Variants in FBXW11 observed in about 807,000 individuals in gnomAD.
FBXW11 encodes the protein F-box and WD repeat domain containing 11.
A neutral mutation model predicts 77.6 loss-of-function variants in FBXW11; 19 were observed. The ratio of observed to expected loss-of-function variants is 0.24; its 90% confidence interval spans 0.17 to 0.36. FBXW11 has a LOEUF of 0.36. Ranked by LOEUF, FBXW11 falls within the 10% of genes least tolerant of loss-of-function variation. The pLI is 1.00. For synonymous variants in FBXW11, 235 were observed against 249.4 expected (o/e 0.94, Z 0.54); for missense variants, 334 against 704.2 (o/e 0.47, Z 5.95).
chr5:171,984,608 T>C (rs750075543), intron 1 of FBXW11, among the ~76,000 whole-genome samples: 1 of 152,202 alleles, frequency 6.6e-6, no homozygotes, highest in South Asian at 2.1e-4. Context: ...TAATATGGTA[T>C]AATTTTAAGT....
intron 4 of FBXW11, among the ~76,000 whole-genome samples, chr5:171,900,395 A>C (rs1263217713): frequency 6.6e-6 from 1 of 152,204 alleles, no homozygotes; most frequent in Non-Finnish European, 1.5e-5. Context: ...TTTCTTTTAT[A>C]TAACTCTCAC....
chr5:172,002,414 A>ATGTGTGTGTGTGTGTGTG (rs55720474), intron 1 of FBXW11, among the ~76,000 whole-genome samples: 21 of 143,978 alleles, frequency 1.5e-4, no homozygotes, highest in African/African-American at 5.1e-4. Flanking sequence ...TTTTATATAA[A>ATGTGTGTGTGTGTGTGTG]TGTGTGTGTG....
intron 2 of FBXW11, among the ~76,000 whole-genome samples, chr5:171,939,975 CA>C (rs945138810): frequency 6.6e-6 from 1 of 151,294 alleles, no homozygotes; most frequent in Non-Finnish European, 1.5e-5. Flanking sequence ...CTTATAATTC[CA>C]AAAAAAAGTA....
chr5:171,967,992 C>T (rs1035655047), intron 1 of FBXW11, among the ~76,000 whole-genome samples: 1 of 151,108 alleles, frequency 6.6e-6, no homozygotes, highest in Admixed American at 6.6e-5. Flanking sequence ...TCAGATGAGG[C>T]CATACAATTG....
Position 171,900,024 on chromosome 5 carries a change from T to C in FBXW11, c.513A>G (p.Val171=), listed in dbSNP as rs567203605. Residue 171 remains valine, a synonymous_variant, in exon 5 of 14, where the codon GTA becomes GTG. Transcript: ENST00000517395. ...AGATCACTCGCTGCCATTCTTTACA[T>C]ACCAGCTCTGCTGCACACAGAGACC... ...DARSLCAAEL[V]CKEWQRVISE... The C allele has an allele frequency of 3.7e-6, 6 of 1,613,858 alleles. No homozygotes were observed. The South Asian group carries it at 4.4e-5, about 12-fold the overall frequency.
At chr5:171,923,355 T>G (rs1310840468) in intron 2 of FBXW11, among the ~76,000 whole-genome samples, 1 of 152,222 alleles carries the variant, frequency 6.6e-6, no homozygotes, top group Non-Finnish European at 1.5e-5. Flanking sequence ...AACTTTTCAT[T>G]CTCTTAATGG....
chr5:171,905,862 G>A (rs578231404), intron 4 of FBXW11, among the ~76,000 whole-genome samples: 43 of 152,152 alleles, frequency 2.8e-4, no homozygotes, highest in African/African-American at 1.0e-3. Context: ...ATCATGCTGA[G>A]ACTCCCCCAT....
At chr5:171,969,719 T>C (rs1464842470) in intron 1 of FBXW11, among the ~76,000 whole-genome samples, 2 of 152,176 alleles carry the variant, frequency 1.3e-5, no homozygotes, top group African/African-American at 2.4e-5. Flanking sequence ...TTTTTGTTTT[T>C]CAGACAAAAT....
At chr5:171,967,879 TATATACACACACACACAC>T (rs1224917123) in intron 1 of FBXW11, among the ~76,000 whole-genome samples, 2 of 62,678 alleles carry the variant, frequency 3.2e-5, no homozygotes, top group African/African-American at 1.1e-4. Context: ...TATATATATA[TATATACACACACACACAC>T]ACACACACAC....
intron 2 of FBXW11, among the ~76,000 whole-genome samples, chr5:171,947,540 T>C (rs1415516728): frequency 6.7e-6 from 1 of 149,594 alleles, no homozygotes; most frequent in Admixed American, 6.6e-5. Context: ...ATCTCAATTA[T>C]TAAAAAAAAA....
At chr5:171,997,917 A>C (rs542029359) in intron 1 of FBXW11, among the ~76,000 whole-genome samples, 1 of 152,362 alleles carries the variant, frequency 6.6e-6, no homozygotes, top group South Asian at 2.1e-4. Flanking sequence ...CTCCTGCAGT[A>C]ATTATAGTAA....
intron 1 of FBXW11, among the ~76,000 whole-genome samples, chr5:171,999,905 C>A (rs1171556710): frequency 1.3e-5 from 2 of 152,052 alleles, no homozygotes. Context: ...TCATTGTTAA[C>A]TCAACCTGAG....
intron 2 of FBXW11, among the ~76,000 whole-genome samples, chr5:171,950,182 C>T (rs1763230857): frequency 6.6e-6 from 1 of 151,918 alleles, no homozygotes; most frequent in South Asian, 2.1e-4. Flanking sequence ...TAACTTTGAA[C>T]AAGTATGTTA....
chr5:171,871,590 G>C (rs543964786), intron 10 of FBXW11, among the ~76,000 whole-genome samples: 33 of 152,328 alleles, frequency 2.2e-4, no homozygotes, highest in Admixed American at 3.9e-4. Flanking sequence ...TATGATTTAT[G>C]TAACAATTCT....
intron 13 of FBXW11, among the ~76,000 whole-genome samples, chr5:171,866,869 C>G (rs1188897267): frequency 6.6e-6 from 1 of 152,122 alleles, no homozygotes; most frequent in African/African-American, 2.4e-5. Flanking sequence ...GTGGATTTTT[C>G]AACTGACTTA....
intron 9 of FBXW11, among the ~76,000 whole-genome samples, chr5:171,874,899 CTG>C (rs1451297461): frequency 6.6e-6 from 1 of 151,310 alleles, no homozygotes; most frequent in East Asian, 2.0e-4. Context: ...CGAACCATGA[CTG>C]TGTTACTGCA....
At chr5:171,887,136 T>G (rs1028643995) in intron 7 of FBXW11, among the ~76,000 whole-genome samples, 1 of 152,196 alleles carries the variant, frequency 6.6e-6, no homozygotes, top group Non-Finnish European at 1.5e-5. Flanking sequence ...TATATGCTAC[T>G]GTATCCTGTG....
intron 9 of FBXW11, among the ~76,000 whole-genome samples, chr5:171,874,676 G>A (rs1449923157): frequency 6.9e-6 from 1 of 145,854 alleles, no homozygotes; most frequent in Non-Finnish European, 1.5e-5. Context: ...ATGGTACAGC[G>A]CCTTTGGAAA....
In FBXW11 at chr5:171,914,328, C is replaced by A. The variant is rs202016926; in HGVS notation, c.210+15G>T. On this transcript the variant is annotated intron_variant, in intron 3 of 13. Coordinates refer to ENST00000517395, the MANE Select transcript of FBXW11 (RefSeq NM_001378974.1). ...TAAGTCAGTTGCTATCTAATCTGTG[C>A]GCCGTCATTCCTACCTGCCAAAGAG... 8 of 1,596,486 alleles carry A rather than the reference C, an allele frequency of 5.0e-6. No homozygotes were observed. Among genetic ancestry groups the A allele is most frequent in the South Asian group, 1.1e-5 (1 of 87,654 alleles).
Sources: gnomAD v4.1 joint callset for allele counts (sites outside exome capture counted in the v4.1 genomes callset) on GRCh38, gnomAD v4.1.1 for gene constraint, MANE v1.5 for transcripts, NCBI Gene and HGNC (gene_info 2026-07-23, HGNC 2026-07-21) for gene names.